The following NT5DC1 variants were observed in gnomAD, a reference collection of about 807,000 sequenced individuals.
NT5DC1 encodes 5'-nucleotidase domain-containing protein 1.
Under a neutral mutation model 59.4 loss-of-function variants are expected in NT5DC1, and 42 were observed. The observed-to-expected ratio is 0.71, with a 90% confidence interval of 0.55 to 0.92. NT5DC1 has a LOEUF of 0.92. Ranked by LOEUF, NT5DC1 falls within the 40% of genes least tolerant of loss-of-function variation. The probability of loss-of-function intolerance (pLI) is 0.00; values close to 1 mark genes in which losing one functional copy is unlikely to be tolerated. For synonymous variants in NT5DC1, 172 were observed against 188.1 expected, an observed-to-expected ratio of 0.91 and a Z score of 0.70; for missense variants, 501 against 537.1, an observed-to-expected ratio of 0.93 and a Z score of 0.66.
rs34803424 is a variant in NT5DC1 at position 116,168,083 on chromosome 6, C to CT, written c.529+50157dup. 3.5e-3 allele frequency among the ~76,000 whole-genome samples: 414 copies of CT among 119,002 alleles called. 1 individual carries two copies. Among genetic ancestry groups the CT allele is most frequent in the East Asian group, 7.2e-3 (25 of 3,464 alleles). The allele number at this position is 119,002 out of a possible 152,430, so 78.1% of individuals were successfully genotyped here. A position where few individuals can be genotyped will look rare whatever the true frequency, so the allele number is the denominator to read the frequency against. ...CTTCGATTTATGATGTACCTGGTGTCTTTTTTTTTTTTTTTTTTTAAATTC... is the reference window on the plus strand; with the variant it reads ...CTTCGATTTATGATGTACCTGGTGTCTTTTTTTTTTTTTTTTTTTTAAATTC... On this transcript the variant is annotated intron_variant, in intron 6 of 11. Coordinates refer to ENST00000319550, the MANE Select transcript of NT5DC1 (RefSeq NM_152729.3).
At position 116,178,100 on chromosome 6, in the gene NT5DC1, C is replaced by CGTGT. The variant is rs1446836635; in HGVS notation, c.530-42953_530-42952insTGTG. 4.0e-4 allele frequency among the ~76,000 whole-genome samples: 41 copies of CGTGT among 102,960 alleles called. No homozygotes were observed. The South Asian group carries it at 7.9e-3, about 20-fold the overall frequency. The allele number at this position is 102,960 out of a possible 152,430, so 67.5% of individuals were successfully genotyped here. On this transcript the variant is annotated intron_variant, in intron 6 of 11. Transcript: ENST00000319550. ...GTGTGTGTGTGTGTGCGCGCGCGCG[C>CGTGT]GCGTGCGTGCGTGTGTGTGTGTGTG...
intron 6 of NT5DC1, among the ~76,000 whole-genome samples, chr6:116,220,675 T>C (rs1781781522): frequency 1.3e-5 from 2 of 152,222 alleles, no homozygotes; most frequent in African/African-American, 4.8e-5. Flanking sequence ...TTGTTTCTTG[T>C]CTGTATTCAG....
At chr6:116,159,833 G>C (rs2114423082) in intron 6 of NT5DC1, among the ~76,000 whole-genome samples, 1 of 151,938 alleles carries the variant, frequency 6.6e-6, no homozygotes, top group South Asian at 2.1e-4. Flanking sequence ...TTATGTCCAT[G>C]TGTACTTCAC....
intron 11 of NT5DC1, among the ~76,000 whole-genome samples, chr6:116,242,001 T>A (rs976572019): frequency 2.7e-5 from 4 of 150,788 alleles, no homozygotes; most frequent in Non-Finnish European, 5.9e-5. Flanking sequence ...TAGTAAAATG[T>A]TTAATTTAAA....
At chr6:116,174,072 G>C (rs1780677761) in intron 6 of NT5DC1, among the ~76,000 whole-genome samples, 1 of 152,142 alleles carries the variant, frequency 6.6e-6, no homozygotes, top group Non-Finnish European at 1.5e-5. Context: ...TGCAGTTGTG[G>C]TTCACTTCAC....
intron 6 of NT5DC1, among the ~76,000 whole-genome samples, chr6:116,204,057 A>G (rs866953801): frequency 1.4e-4 from 21 of 151,876 alleles, no homozygotes; most frequent in Admixed American, 1.2e-3. Context: ...CCTCTGACCC[A>G]GCTCACTTTG....
At chr6:116,194,262 A>G (rs1380866538) in intron 6 of NT5DC1, among the ~76,000 whole-genome samples, 1 of 152,124 alleles carries the variant, frequency 6.6e-6, no homozygotes. Context: ...CGGAGTTTAT[A>G]AAAATGGAAC....
intron 8 of NT5DC1, among the ~76,000 whole-genome samples, chr6:116,227,279 C>T (rs1781928463): frequency 6.6e-6 from 1 of 152,074 alleles, no homozygotes; most frequent in Non-Finnish European, 1.5e-5. Flanking sequence ...CCAGGTTCAT[C>T]CATGTTGTCA....
At chr6:116,185,697 T>C (rs1471146719) in intron 6 of NT5DC1, among the ~76,000 whole-genome samples, 1 of 152,152 alleles carries the variant, frequency 6.6e-6, no homozygotes, top group African/African-American at 2.4e-5. Flanking sequence ...CTGCTTGCTT[T>C]TGGTATACAT....
chr6:116,189,805 A>G (rs1781077429), intron 6 of NT5DC1, among the ~76,000 whole-genome samples: 1 of 152,052 alleles, frequency 6.6e-6, no homozygotes, highest in Non-Finnish European at 1.5e-5. Flanking sequence ...CTAGAAAAGA[A>G]TGAAGTAATG....
intron 6 of NT5DC1, 74 bp downstream of exon 6, chr6:116,118,019 T>C (rs1461444939): frequency 1.2e-6 from 1 of 802,258 alleles, no homozygotes; most frequent in Non-Finnish European, 2.2e-6. Context: ...AGCTGAAAAG[T>C]AGGTACTTTG....
chr6:116,122,055 A>C (rs1230971142), intron 6 of NT5DC1: 1 of 1,030,538 alleles, frequency 9.7e-7, no homozygotes, highest in African/African-American at 1.6e-5. Context: ...TTGGGACACG[A>C]TATTTCAGCA....
chr6:116,142,872 C>T (rs1432629523), intron 6 of NT5DC1, among the ~76,000 whole-genome samples: 1 of 152,158 alleles, frequency 6.6e-6, no homozygotes, highest in East Asian at 1.9e-4. Context: ...GTCCCAGTTG[C>T]TTCACATATA....
intron 6 of NT5DC1, among the ~76,000 whole-genome samples, chr6:116,216,025 T>A (rs945609468): frequency 6.6e-6 from 1 of 152,160 alleles, no homozygotes; most frequent in East Asian, 1.9e-4. Flanking sequence ...CCAGGAATCC[T>A]CCTTTCAAAG....
At chr6:116,151,461 T>G (rs1302462101) in intron 6 of NT5DC1, among the ~76,000 whole-genome samples, 1 of 152,230 alleles carries the variant, frequency 6.6e-6, no homozygotes, top group East Asian at 1.9e-4. Flanking sequence ...AGAGTAAAAT[T>G]TTATCTATCC....
intron 8 of NT5DC1, among the ~76,000 whole-genome samples, chr6:116,236,374 T>C (rs1212336024): frequency 6.6e-6 from 1 of 152,216 alleles, no homozygotes; most frequent in Non-Finnish European, 1.5e-5. Context: ...CCTCTTTCAC[T>C]AGCCCTGCTT....
intron 6 of NT5DC1, among the ~76,000 whole-genome samples, chr6:116,155,458 T>C (rs1382853782): frequency 1.3e-5 from 2 of 152,164 alleles, no homozygotes; most frequent in African/African-American, 4.8e-5. Flanking sequence ...TGAATTAACA[T>C]GGCCTAAAAT....
intron 1 of NT5DC1, among the ~76,000 whole-genome samples, chr6:116,104,465 A>C (rs9488835): frequency 6.6e-6 from 1 of 152,194 alleles, no homozygotes; most frequent in South Asian, 2.1e-4. Context: ...TAAGGTGTAC[A>C]ATAGCTGGCT....
intron 6 of NT5DC1, among the ~76,000 whole-genome samples, chr6:116,143,888 T>G (rs1779826705): frequency 6.6e-6 from 1 of 152,194 alleles, no homozygotes; most frequent in South Asian, 2.1e-4. Flanking sequence ...TTTTCTCTGT[T>G]AGATTTTAAT....
Sources: gnomAD v4.1 joint callset for allele counts (sites outside exome capture counted in the v4.1 genomes callset) on GRCh38, gnomAD v4.1.1 for gene constraint, MANE v1.5 for transcripts, NCBI Gene and HGNC (gene_info 2026-07-23, HGNC 2026-07-21) for gene names.